NFIX: variants seen among roughly 807,000 people sequenced by gnomAD.
The protein encoded by NFIX is nuclear factor 1 X-type.
Under a neutral mutation model 53.3 loss-of-function variants are expected in NFIX, and 2 were observed. The observed-to-expected ratio is 0.04, with a 90% CI of 0.02 to 0.12. The LOEUF is 0.12. Ranked by LOEUF, NFIX falls within the 10% of genes least tolerant of loss-of-function variation. The pLI is 1.00. For synonymous variants in NFIX, 244 were observed against 289.0 expected (o/e 0.84, Z 1.58); for missense variants, 310 against 674.5 (o/e 0.46, Z 5.99).
intron 8 of NFIX, among the ~76,000 whole-genome samples, chr19:13,085,874 G>A (rs2017748765): frequency 3.3e-5 from 5 of 152,254 alleles, no homozygotes; most frequent in Admixed American, 1.3e-4. Context: ...GATCCCACGT[G>A]CTTAGTGGTA....
In NFIX at chr19:13,066,648, C is replaced by T. The variant is rs1388977915; in HGVS notation, c.560-6399C>T. 6.6e-6 allele frequency among the ~76,000 whole-genome samples: 1 copy of T among 152,162 alleles called. No individual in the cohort carries two copies. The highest frequency in any genetic ancestry group is 1.5e-5 in the Non-Finnish European group (1 of 68,028). Reference sequence around the variant, plus strand: ...TTGCGGGCTCTGCTTCTTGTTCAGGCTCCGGCTTTAAACCATGTGAGACTC... The same window carrying T: ...TTGCGGGCTCTGCTTCTTGTTCAGGTTCCGGCTTTAAACCATGTGAGACTC... On this transcript the variant is annotated intron_variant, in intron 2 of 10. Coordinates refer to ENST00000592199, the MANE Select transcript of NFIX (RefSeq NM_001365902.3). This position sits in a 1 kb window ranked among gnomAD's most constrained non-coding sequence, Gnocchi z 4.2.
At chr19:13,074,710 T>A (rs1334721681) in intron 5 of NFIX, among the ~76,000 whole-genome samples, 1 of 151,260 alleles carries the variant, frequency 6.6e-6, no homozygotes, top group Admixed American at 6.6e-5. Flanking sequence ...TCCACTTTTT[T>A]TTTTTTTTTA....
chr19:13,050,787 C>G (rs1447134839), intron 2 of NFIX, among the ~76,000 whole-genome samples: 1 of 152,170 alleles, frequency 6.6e-6, no homozygotes, highest in South Asian at 2.1e-4. Context: ...AACCCAGTCC[C>G]CTTTAACCCA....
At position 13,025,788 on chromosome 19, in the gene NFIX, G is replaced by A. The variant is rs568139559; in HGVS notation, c.559+236G>A. Among the ~76,000 whole-genome samples, 2 of 152,246 alleles carry A rather than the reference G, an allele frequency of 1.3e-5. No individual in the cohort carries two copies. ...CCCCTGGCCATGGTATCGACTTTGT[G>A]CATCTCCATCTTTGGAGGACTTATC... On this transcript the variant is annotated intron_variant, in intron 2 of 10. Transcript: ENST00000592199. This position sits in a 1 kb window ranked among gnomAD's most constrained non-coding sequence, Gnocchi z 7.5.
At chr19:13,054,302 TAA>T (rs1176524026) in intron 2 of NFIX, among the ~76,000 whole-genome samples, 1 of 152,186 alleles carries the variant, frequency 6.6e-6, no homozygotes. Context: ...TTCTCATCTG[TAA>T]AGATGGGGAA....
rs1383823294 is a variant in NFIX at position 13,056,716 on chromosome 19, GAGCAGAATC to G, written c.560-16327_560-16319del. Among the ~76,000 whole-genome samples the G allele has an allele frequency of 1.2e-4, 18 of 152,314 alleles. No individual in the cohort carries two copies. In the East Asian group the frequency reaches 2.9e-3, roughly 24 times the overall value. ...CTGTTCCTCACTTACTTGGACCATT[GAGCAGAATC>G]AGCTGCAGAATTTGTGGGGCCCAGT... On this transcript the variant is annotated intron_variant, in intron 2 of 10. Transcript: ENST00000592199.
intron 1 of NFIX, among the ~76,000 whole-genome samples, chr19:13,010,987 C>T (rs181383708): frequency 2.7e-3 from 410 of 152,298 alleles, no homozygotes; most frequent in Non-Finnish European, 4.5e-3. Flanking sequence ...GAAATTTGTA[C>T]CTTTATATAT....
chr19:13,034,547 A>G (rs1464168009), intron 2 of NFIX, among the ~76,000 whole-genome samples: 5 of 152,212 alleles, frequency 3.3e-5, no homozygotes, highest in Non-Finnish European at 7.3e-5. Flanking sequence ...GTGTGAGGCC[A>G]GGCAGGTTCT....
Position 13,042,712 on chromosome 19 carries a change from T to A in NFIX, c.559+17160T>A, listed in dbSNP as rs142518462. 1.4e-3 allele frequency among the ~76,000 whole-genome samples: 219 copies of A among 152,048 alleles called. 1 individual carries two copies. The highest frequency in any genetic ancestry group is 4.9e-3 in the African/African-American group (205 of 41,448). Reference sequence around the variant, plus strand: ...TCATGAGATTTCATCATGCCAGAGCTGATGTAAACCCCACCCCCACCCCCA... The same window carrying A: ...TCATGAGATTTCATCATGCCAGAGCAGATGTAAACCCCACCCCCACCCCCA... On this transcript the variant is annotated intron_variant, in intron 2 of 10. Transcript: ENST00000592199.
chr19:13,064,158 G>A (rs548637503), intron 2 of NFIX, among the ~76,000 whole-genome samples: 26 of 152,296 alleles, frequency 1.7e-4, no homozygotes, highest in Non-Finnish European at 1.9e-4. Flanking sequence ...TCTTCGTCAA[G>A]TTGGGGAGGG....
chr19:12,998,560 G>A lies in NFIX; in HGVS notation c.27+2696G>A, dbSNP rs1221495297. ...GAGTCCATTGTAGCCACAGTCCTGA[G>A]TCTCAGGCGGAGAGAGGGGTGGGGG... On this transcript the variant is annotated intron_variant, in intron 1 of 10. Coordinates refer to ENST00000592199, the MANE Select transcript of NFIX (RefSeq NM_001365902.3). This position sits in a 1 kb window ranked among gnomAD's most constrained non-coding sequence, Gnocchi z 4.4. Among the ~76,000 whole-genome samples the A allele has an allele frequency of 6.6e-6, 1 of 151,934 alleles. No homozygotes were observed. Among genetic ancestry groups the A allele is most frequent in the African/African-American group, 2.4e-5 (1 of 41,336 alleles).
At position 13,049,709 on chromosome 19, in the gene NFIX, T is replaced by C. The variant is rs140379105; in HGVS notation, c.560-23338T>C. On this transcript the variant is annotated intron_variant, in intron 2 of 10. Coordinates refer to ENST00000592199, the MANE Select transcript of NFIX (RefSeq NM_001365902.3). The surrounding 1 kb of genome is among the most constrained non-coding windows in gnomAD (Gnocchi z 4.5). ...CCTGGGTTCAAGCGATTCTTCTGCC[T>C]CGGCCTCCTAAGTAGCTGGGACTAC... Among the ~76,000 whole-genome samples the C allele has an allele frequency of 0.016, 2,455 of 151,840 alleles. 80 individuals carry two copies. The highest frequency in any genetic ancestry group is 0.057 in the African/African-American group (2,368 of 41,382).
intron 2 of NFIX, among the ~76,000 whole-genome samples, chr19:13,058,572 A>G (rs540488647): frequency 2.4e-4 from 34 of 143,290 alleles, no homozygotes; most frequent in Non-Finnish European, 4.4e-4. Flanking sequence ...GCATGCTACC[A>G]CCCCCAGCTA....
chr19:13,042,356 T>C (rs1204175378), intron 2 of NFIX, among the ~76,000 whole-genome samples: 1 of 9,966 alleles, frequency 1.0e-4, no homozygotes, highest in Non-Finnish European at 1.6e-4. Context: ...TTTTACATGC[T>C]TTTTTTTTTT....
At position 13,072,421 on chromosome 19, in the gene NFIX, C is replaced by A. The variant is rs1046382153; in HGVS notation, c.560-626C>A. Reference sequence around the variant, plus strand: ...GCGACAGCGTCAGGGCAGACCTCCCCCCTCTGGGTTGCCAGGCACTGCCTC... The same window carrying A: ...GCGACAGCGTCAGGGCAGACCTCCCACCTCTGGGTTGCCAGGCACTGCCTC... On this transcript the variant is annotated intron_variant, in intron 2 of 10. Transcript: ENST00000592199. This position sits in a 1 kb window ranked among gnomAD's most constrained non-coding sequence, Gnocchi z 4.0. 6.6e-5 allele frequency among the ~76,000 whole-genome samples: 10 copies of A among 152,234 alleles called. No individual in the cohort carries two copies. Among genetic ancestry groups the A allele is most frequent in the Non-Finnish European group, 1.3e-4 (9 of 68,040 alleles).
intron 1 of NFIX, among the ~76,000 whole-genome samples, chr19:13,004,742 C>T (rs1283398921): frequency 6.6e-6 from 1 of 152,244 alleles, no homozygotes; most frequent in Middle Eastern, 3.4e-3. Context: ...GTCTTCTAGA[C>T]TCCGTGGTCG....
rs567111318 is a variant in NFIX at position 13,002,250 on chromosome 19, C to T, written c.27+6386C>T. ...CTCCCCTCCTCCCCTCCTCCCGCTC[C>T]CTCTCTCCCTCTCTCTCTCCTCCTG... On this transcript the variant is annotated intron_variant, in intron 1 of 10. Coordinates refer to ENST00000592199, the MANE Select transcript of NFIX (RefSeq NM_001365902.3). This position sits in a 1 kb window ranked among gnomAD's most constrained non-coding sequence, Gnocchi z 6.1. Among the ~76,000 whole-genome samples the T allele has an allele frequency of 1.8e-4, 27 of 152,032 alleles. 1 individual carries two copies. The South Asian group carries it at 5.2e-3, about 29-fold the overall frequency.
At chr19:13,063,274 G>C (rs559372048) in intron 2 of NFIX, among the ~76,000 whole-genome samples, 108 of 152,214 alleles carry the variant, frequency 7.1e-4, no homozygotes, top group African/African-American at 2.5e-3. Flanking sequence ...TTCCTTCTCT[G>C]AGCCTTCTCC....
chr19:13,024,695 G>T (rs998615133), intron 1 of NFIX: 3 of 1,536,404 alleles, frequency 2.0e-6, no homozygotes, highest in Non-Finnish European at 2.6e-6. Flanking sequence ...GTGTGTGGAC[G>T]GCAACGTTGT....
Sources: allele counts gnomAD v4.1 joint callset (sites outside exome capture counted in the v4.1 genomes callset), GRCh38; gene constraint gnomAD v4.1.1; non-coding constraint Gnocchi (gnomAD v3.1); transcripts MANE v1.5; gene names NCBI Gene and HGNC (gene_info 2026-07-23, HGNC 2026-07-21).